Variants in NTN1 observed in about 807,000 individuals in gnomAD.
NTN1 encodes netrin-1.
Under a neutral mutation model 54.2 loss-of-function variants are expected in NTN1, and 11 were observed. The observed-to-expected ratio is 0.20, with a 90% CI of 0.13 to 0.34. The LOEUF is 0.34. NTN1 is among the 10% of genes least tolerant of loss of function. The pLI is 1.00. For missense variants in NTN1, 740 were observed against 893.1 expected, an observed-to-expected ratio of 0.83 and a Z score of 2.18; for synonymous variants, 371 against 382.0, an observed-to-expected ratio of 0.97 and a Z score of 0.33.
chr17:9,114,153 G>A (rs8067371), intron 2 of NTN1, among the ~76,000 whole-genome samples: 11,600 of 91,678 alleles, frequency 0.13, 1,271 homozygotes, highest in African/African-American at 0.23. Context: ...CAAAAAAAAA[G>A]AAAAAAAAAA....
chr17:9,043,577 C>CTTT (rs111336083), intron 2 of NTN1, among the ~76,000 whole-genome samples: 1 of 145,936 alleles, frequency 6.9e-6, no homozygotes, highest in African/African-American at 2.5e-5. Context: ...TAATCTCTCT[C>CTTT]TTTTTTTTTT....
intron 2 of NTN1, among the ~76,000 whole-genome samples, chr17:9,071,737 C>T (rs989633315): frequency 6.6e-5 from 10 of 151,798 alleles, no homozygotes; most frequent in Admixed American, 6.6e-5. Flanking sequence ...AAGTGGTGGC[C>T]GATGACACTT....
At chr17:9,003,867 C>G in the NTN1 span, among the ~76,000 whole-genome samples, 8 of 152,092 alleles carry the variant, frequency 5.3e-5, no homozygotes, top group Admixed American at 5.2e-4. The surrounding 1 kb of genome is among the most constrained non-coding windows in gnomAD (Gnocchi z 7.4). Flanking sequence ...GGGGCTGTCA[C>G]TCCCAGAATA....
intron 2 of NTN1, among the ~76,000 whole-genome samples, chr17:9,111,086 C>T (rs951344664): frequency 2.6e-5 from 4 of 151,970 alleles, no homozygotes; most frequent in South Asian, 2.1e-4. Context: ...TACCGGCACA[C>T]GCCACCACGC....
the NTN1 span, among the ~76,000 whole-genome samples, chr17:9,012,873 C>G: frequency 2.0e-5 from 3 of 152,190 alleles, no homozygotes; most frequent in African/African-American, 7.2e-5. Context: ...GTTTCATTTC[C>G]AATTCTCTTC....
chr17:9,060,229 A>G (rs759747358), intron 2 of NTN1, among the ~76,000 whole-genome samples: 3 of 152,074 alleles, frequency 2.0e-5, no homozygotes, highest in Non-Finnish European at 4.4e-5. Context: ...GATGACAAGG[A>G]TGAAGACCTT....
Position 9,066,862 on chromosome 17 carries a change from A to G in NTN1, c.1018+43471A>G, listed in dbSNP as rs530173778. ...TAAAAATAACAAAAATTAACTGGGC[A>G]TGTTGGCACATGCCTGCAATCCCAG... On this transcript the variant is annotated intron_variant, in intron 2 of 6. Coordinates refer to ENST00000173229, the MANE Select transcript of NTN1 (RefSeq NM_004822.3). Among the ~76,000 whole-genome samples the G allele has an allele frequency of 1.1e-4, 16 of 150,622 alleles. No individual in the cohort carries two copies. The South Asian group carries it at 3.2e-3, about 30-fold the overall frequency.
intron 5 of NTN1, among the ~76,000 whole-genome samples, chr17:9,218,296 T>C (rs1426713594): frequency 6.6e-6 from 1 of 152,140 alleles, no homozygotes; most frequent in Non-Finnish European, 1.5e-5. Flanking sequence ...CACCAATGTC[T>C]CTGTGCCTTA....
At chr17:9,073,949 T>C (rs1019821322) in intron 2 of NTN1, among the ~76,000 whole-genome samples, 1 of 152,096 alleles carries the variant, frequency 6.6e-6, no homozygotes, top group Non-Finnish European at 1.5e-5. Context: ...ATCAGAGGAG[T>C]GGGAAACCAT....
At chr17:9,026,396 G>GGC (rs1555562108) in intron 2 of NTN1, among the ~76,000 whole-genome samples, 22 of 150,180 alleles carry the variant, frequency 1.5e-4, no homozygotes, top group African/African-American at 4.6e-4. Context: ...TCTTCCGGGG[G>GGC]GGGGGAACAA....
chr17:9,156,534 G>A (rs1339793849), intron 2 of NTN1, among the ~76,000 whole-genome samples: 1 of 152,182 alleles, frequency 6.6e-6, no homozygotes, highest in East Asian at 1.9e-4. Context: ...TGGACCTGGG[G>A]TAGTCCTGAT....
At chr17:9,185,687 C>T (rs563095914) in intron 5 of NTN1, among the ~76,000 whole-genome samples, 1 of 152,284 alleles carries the variant, frequency 6.6e-6, no homozygotes, top group South Asian at 2.1e-4. Context: ...TCCCCTGGCA[C>T]TCACCTACTT....
chr17:9,169,389 A>C (rs1021806119), intron 3 of NTN1, among the ~76,000 whole-genome samples: 28 of 152,252 alleles, frequency 1.8e-4, no homozygotes, highest in African/African-American at 6.5e-4. Context: ...CAGTCTTTAC[A>C]GATGAAAAGA....
At chr17:9,017,092 T>C (rs2091833534), upstream of NTN1, among the ~76,000 whole-genome samples, 1 of 152,202 alleles carries the variant, frequency 6.6e-6, no homozygotes, top group Non-Finnish European at 1.5e-5. Context: ...GTTTTATCTG[T>C]CTTCCACCTC....
intron 2 of NTN1, among the ~76,000 whole-genome samples, chr17:9,068,649 C>T (rs371480618): frequency 6.6e-6 from 1 of 151,898 alleles, no homozygotes. Flanking sequence ...GCTGGGATTA[C>T]AGGCATGTGC....
chr17:9,185,587 G>A (rs969178632), intron 5 of NTN1, among the ~76,000 whole-genome samples: 2 of 151,846 alleles, frequency 1.3e-5, no homozygotes, highest in African/African-American at 4.8e-5. Flanking sequence ...CGTAGTGTCT[G>A]TGGGGGTCTG....
the NTN1 span, among the ~76,000 whole-genome samples, chr17:9,009,273 C>T: frequency 6.6e-6 from 1 of 152,196 alleles, no homozygotes; most frequent in Admixed American, 6.5e-5. Context: ...CTGCTGACCA[C>T]CCATGGAGCT....
intron 2 of NTN1, among the ~76,000 whole-genome samples, chr17:9,045,075 G>A (rs936557157): frequency 6.6e-6 from 1 of 152,188 alleles, no homozygotes; most frequent in Non-Finnish European, 1.5e-5. Flanking sequence ...TAGGATGGTG[G>A]TTTTGGGGTT....
chr17:9,178,021 C>T (rs531774352), intron 3 of NTN1, among the ~76,000 whole-genome samples: 1 of 152,104 alleles, frequency 6.6e-6, no homozygotes, highest in Non-Finnish European at 1.5e-5. Flanking sequence ...GTGTTAAAAC[C>T]CCATCTCTAC....
Sources: allele counts gnomAD v4.1 joint callset (sites outside exome capture counted in the v4.1 genomes callset), GRCh38; gene constraint gnomAD v4.1.1; non-coding constraint Gnocchi (gnomAD v3.1); transcripts MANE v1.5; gene names NCBI Gene and HGNC (gene_info 2026-07-23, HGNC 2026-07-21).